LATS1: variants seen among roughly 807,000 people sequenced by gnomAD.
LATS1 encodes serine/threonine-protein kinase LATS1.
LATS1 carries 25 observed loss-of-function variants against 106.6 expected under a neutral mutation model. The observed-to-expected ratio is 0.23, with a 90% CI of 0.17 to 0.33. LATS1 has a LOEUF of 0.33. Ranked by LOEUF, LATS1 falls within the 10% of genes least tolerant of loss-of-function variation. The pLI, the probability that LATS1 is intolerant of heterozygous loss-of-function variation, is 1.00. For synonymous variants in LATS1, 465 were observed against 455.6 expected (o/e 1.02, Z -0.26); for missense variants, 1,040 against 1,382.6 (o/e 0.75, Z 3.93).
chr6:149,693,056 A>G lies in LATS1; in HGVS notation c.496+2018T>C, dbSNP rs1413438919. Among the ~76,000 whole-genome samples, 12 of 151,894 alleles carry G rather than the reference A, an allele frequency of 7.9e-5. 1 individual carries two copies. The South Asian group carries it at 2.5e-3, about 32-fold the overall frequency. ...GAGGCAGGCAGATAACAAGGTCAGGAGTTCGAGACCAGCCTGATCTACATG... is the reference window on the plus strand; with the variant it reads ...GAGGCAGGCAGATAACAAGGTCAGGGGTTCGAGACCAGCCTGATCTACATG... On this transcript the variant is annotated intron_variant, in intron 3 of 7. Transcript: ENST00000543571.
Position 149,661,881 on chromosome 6 carries a change from G to A in LATS1, c.3241C>T (p.Arg1081Ter), listed in dbSNP as rs757876116. ...TAGCCATTGTCATCAAAAAACCTTC[G>A]GAAGGTAAATTCATAGAATGCATGT... ...PEHAFYEFTF[R>*]RFFDDNGYPY... Residue 1081 changes from arginine to a stop codon, truncating the protein, a stop_gained, in exon 8 of 8, where the codon CGA (arginine) becomes TGA (stop). Transcript: ENST00000543571. LOFTEE classifies it high-confidence loss of function. The A allele has an allele frequency of 1.2e-6, 2 of 1,613,920 alleles. No individual in the cohort carries two copies. The highest frequency in any genetic ancestry group is 1.7e-5 in the Admixed American group (1 of 59,990).
chr6:149,666,543 G>A (rs1045310582), intron 7 of LATS1, among the ~76,000 whole-genome samples: 1 of 151,922 alleles, frequency 6.6e-6, no homozygotes, highest in South Asian at 2.1e-4. Flanking sequence ...GCTTGAACCC[G>A]GGAGGCGGTG....
intron 7 of LATS1, among the ~76,000 whole-genome samples, chr6:149,667,201 G>A (rs770311595): frequency 3.9e-5 from 6 of 151,998 alleles, no homozygotes; most frequent in South Asian, 2.1e-4. Context: ...TTGGGAGGCC[G>A]AGGCAGGTGG....
In LATS1 at chr6:149,700,459, C is replaced by A. The variant is rs1783387334; in HGVS notation, c.348+1320G>T. Reference sequence around the variant, plus strand: ...CTGCACTCCAGTTTGGGTGACTGAGCAAGGCTCCGTCTCAAAAAATATAAA... The same window carrying A: ...CTGCACTCCAGTTTGGGTGACTGAGAAAGGCTCCGTCTCAAAAAATATAAA... On this transcript the variant is annotated intron_variant, in intron 2 of 7. Transcript: ENST00000543571. Among the ~76,000 whole-genome samples the A allele has an allele frequency of 2.0e-5, 3 of 152,086 alleles. No individual in the cohort carries two copies. In the South Asian group the frequency reaches 6.2e-4, roughly 32 times the overall value.
In LATS1 at chr6:149,702,154, G is replaced by A. The variant is rs777599014; in HGVS notation, c.-28C>T. 51 of 1,428,880 alleles carry A rather than the reference G, an allele frequency of 3.6e-5. No homozygotes were observed. Among genetic ancestry groups the A allele is most frequent in the Non-Finnish European group, 4.7e-5 (49 of 1,041,130 alleles). The allele number at this position is 1,428,880 out of a possible 1,614,324, so 88.5% of individuals were successfully genotyped here. Reference sequence around the variant, plus strand: ...AAACATCTATATATGTAGCCCACACGAAGGACTTCTTTATTTGATAGATCC... The same window carrying A: ...AAACATCTATATATGTAGCCCACACAAAGGACTTCTTTATTTGATAGATCC... On this transcript the variant is annotated 5_prime_UTR_variant, in exon 2 of 8. Coordinates refer to ENST00000543571, the MANE Select transcript of LATS1 (RefSeq NM_004690.4).
intron 5 of LATS1, among the ~76,000 whole-genome samples, chr6:149,677,862 A>G (rs561497015): frequency 1.1e-4 from 17 of 152,188 alleles, no homozygotes; most frequent in African/African-American, 3.6e-4. Context: ...TCTACTAAAA[A>G]TACAAAAATT....
intron 3 of LATS1, among the ~76,000 whole-genome samples, chr6:149,693,592 AGAGT>A (rs1782895739): frequency 6.6e-6 from 1 of 151,060 alleles, no homozygotes. Flanking sequence ...CCTGGGTGAC[AGAGT>A]GAGACTCCAT....
intron 4 of LATS1, among the ~76,000 whole-genome samples, chr6:149,680,743 G>GGA (rs1554231900): frequency 0.037 from 4,112 of 110,306 alleles, 239 homozygotes; most frequent in African/African-American, 0.12. Context: ...AATGCACTCC[G>GGA]AAAAAAAAAA....
intron 1 of LATS1, 27 bp downstream of exon 1, chr6:149,717,822 C>T (rs370446431): frequency 6.9e-6 from 2 of 290,408 alleles, no homozygotes; most frequent in South Asian, 2.6e-5. Context: ...TGGAGGAGCG[C>T]ACCCGCTACG....
In LATS1 at chr6:149,701,634, G is replaced by A. The variant is rs557731925; in HGVS notation, c.348+145C>T. On this transcript the variant is annotated intron_variant, in intron 2 of 7. Transcript: ENST00000543571. ...AATAGTAATTAATGGAATTATAAAC[G>A]TAACATTCTTTGCTGATAGAATACA... 33 of 537,294 alleles carry A rather than the reference G, an allele frequency of 6.1e-5. 1 individual carries two copies. The highest frequency in any genetic ancestry group is 3.2e-4 in the African/African-American group (17 of 52,768). 33.3% of individuals were successfully genotyped at this position (537,294 alleles called of 1,614,324 possible). A position where few individuals can be genotyped will look rare whatever the true frequency, so the allele number is the denominator to read the frequency against.
chr6:149,684,166 G>C lies in LATS1; in HGVS notation c.923C>G (p.Ser308Cys). 6.2e-7 allele frequency: 1 copy of C among 1,614,224 alleles called. No homozygotes were observed. The highest frequency in any genetic ancestry group is 8.5e-7 in the Non-Finnish European group (1 of 1,180,046). The change falls in exon 4 of 8, where the codon TCC becomes TGC. Residue 308 changes from serine (S) to cysteine (C), a missense_variant. Physicochemically the swap from Ser to Cys is moderately radical, Grantham distance 112 (BLOSUM62 -1). Transcript: ENST00000543571. Reference sequence around the variant, plus strand: ...TCCTTGATTAGGAGGATTCATGGGGGAAGTGTTGAGAGGTGGTGGAGGATA... The same window carrying C: ...TCCTTGATTAGGAGGATTCATGGGGCAAGTGTTGAGAGGTGGTGGAGGATA... ...EGYPPPPLNT[S>C]PMNPPNQGQR...
At chr6:149,667,514 C>A (rs1267100189) in intron 7 of LATS1, among the ~76,000 whole-genome samples, 2 of 132,836 alleles carry the variant, frequency 1.5e-5, no homozygotes, top group East Asian at 4.3e-4. Flanking sequence ...TCATTCTGAA[C>A]AGCAGAAAAA....
rs1782193638 is a variant in LATS1, at chr6:149,683,761, G to A, written c.1328C>T (p.Ser443Leu). 2 of 1,613,778 alleles carry A rather than the reference G, an allele frequency of 1.2e-6. No homozygotes were observed. The highest frequency in any genetic ancestry group is 1.7e-6 in the Non-Finnish European group (2 of 1,180,000). ...GATTTCATGCCCACTGCTCGGGGAT[G>A]ACTGGGCTGGAGCAGAAGATGACTG... ...WPQSSSAPAQSSPSSGHEIPT... is the reference protein window; with the variant it reads ...WPQSSSAPAQLSPSSGHEIPT... The change falls in exon 4 of 8, where the codon TCA becomes TTA. Residue 443 changes from serine to leucine, a missense_variant. By Grantham distance (145) the Ser-to-Leu change is moderately radical. Transcript: ENST00000543571.
intron 3 of LATS1, among the ~76,000 whole-genome samples, chr6:149,689,656 TCTC>T (rs1024508460): frequency 1.0e-3 from 156 of 152,220 alleles, no homozygotes; most frequent in African/African-American, 3.0e-3. Context: ...CAGTCCTCAG[TCTC>T]CTCAAACTGC....
chr6:149,713,827 T>C (rs1462571757), intron 1 of LATS1, among the ~76,000 whole-genome samples: 1 of 151,974 alleles, frequency 6.6e-6, no homozygotes, highest in Non-Finnish European at 1.5e-5. Context: ...GTGTGGCTAA[T>C]TTTTGTATTT....
intron 3 of LATS1, among the ~76,000 whole-genome samples, chr6:149,693,075 C>T (rs947336138): frequency 1.3e-5 from 2 of 151,662 alleles, no homozygotes; most frequent in African/African-American, 4.8e-5. Flanking sequence ...CCAGCCTGAT[C>T]TACATGGTGA....
Position 149,674,912 on chromosome 6 carries a change from T to C in LATS1, c.2883+1348A>G, listed in dbSNP as rs547103181. ...TGTTTTGACCTTATCTCAAAATAAA[T>C]AAAGTGCTGGGATTACAGACATGAG... On this transcript the variant is annotated intron_variant, in intron 7 of 7. Transcript: ENST00000543571. Among the ~76,000 whole-genome samples, 4 of 150,424 alleles carry C rather than the reference T, an allele frequency of 2.7e-5. No individual in the cohort carries two copies. In the South Asian group the frequency reaches 6.3e-4, roughly 24 times the overall value.
At chr6:149,685,148 G>A (rs1429953959) in intron 3 of LATS1, among the ~76,000 whole-genome samples, 1 of 152,008 alleles carries the variant, frequency 6.6e-6, no homozygotes, top group African/African-American at 2.4e-5. Flanking sequence ...TGAGGCAGGA[G>A]AATTGCATGA....
At chr6:149,694,935 T>C (rs1782974115) in intron 3 of LATS1, 139 bp downstream of exon 3, 2 of 687,198 alleles carry the variant, frequency 2.9e-6, no homozygotes, top group Non-Finnish European at 2.3e-6. Flanking sequence ...GGTATAACAT[T>C]ATAATGTTAT....
Sources: gnomAD v4.1 joint callset for allele counts (sites outside exome capture counted in the v4.1 genomes callset) on GRCh38, gnomAD v4.1.1 for gene constraint, MANE v1.5 for transcripts, NCBI Gene and HGNC (gene_info 2026-07-23, HGNC 2026-07-21) for gene names.